Variants in DPP6 observed in about 807,000 individuals in gnomAD.
DPP6 encodes dipeptidyl peptidase like 6.
In DPP6, 69 loss-of-function variants were observed where a neutral mutation model predicts 122.6. The ratio of observed to expected loss-of-function variants is 0.56; its 90% CI spans 0.46 to 0.69. The LOEUF (loss-of-function observed/expected upper bound fraction) is 0.69. DPP6 is among the 30% of genes least tolerant of loss of function. The pLI is 0.00. For synonymous variants in DPP6, 418 were observed against 433.1 expected (o/e 0.97, Z 0.43); for missense variants, 928 against 1,116.9 (o/e 0.83, Z 2.41).
intron 6 of DPP6, among the ~76,000 whole-genome samples, chr7:154,660,760 G>A (rs879604836): frequency 1.7e-4 from 2 of 11,924 alleles, no homozygotes; most frequent in Non-Finnish European, 2.5e-4. Flanking sequence ...TGGCCGTAGT[G>A]TTCCTATAGT....
chr7:154,408,888 C>G (rs529010127), intron 1 of DPP6, among the ~76,000 whole-genome samples: 3 of 152,006 alleles, frequency 2.0e-5, no homozygotes, highest in Non-Finnish European at 4.4e-5. Flanking sequence ...TGCCTGTAAT[C>G]CCAGCACTTT....
At chr7:154,565,816 C>T (rs1011228248) in intron 4 of DPP6, among the ~76,000 whole-genome samples, 3 of 152,214 alleles carry the variant, frequency 2.0e-5, no homozygotes, top group Non-Finnish European at 4.4e-5. Flanking sequence ...TGAGCCACTG[C>T]GCCCAGCCAA....
Position 154,760,946 on chromosome 7 carries a change from T to A in DPP6, c.884-8471T>A, listed in dbSNP as rs1253478870. ...GCTTCCCTGGTTCAAGCGATTCTCC[T>A]GCCTCAGCCTCCCGGATAGCTGGGA... is the stretch of plus-strand genomic sequence containing the variant. On this transcript the variant is annotated intron_variant, in intron 8 of 25. Transcript: ENST00000377770. The surrounding 1 kb of genome is among the most constrained non-coding windows in gnomAD (Gnocchi z 4.5). Among the ~76,000 whole-genome samples, 1 of 151,794 alleles carries A rather than the reference T, an allele frequency of 6.6e-6. No homozygotes were observed. The highest frequency in any genetic ancestry group is 6.6e-5 in the Admixed American group (1 of 15,246).
intron 1 of DPP6, among the ~76,000 whole-genome samples, chr7:154,056,677 A>T (rs536639294): frequency 6.6e-6 from 1 of 152,278 alleles, no homozygotes; most frequent in South Asian, 2.1e-4. Context: ...ACCACCCATG[A>T]TGTCCACCAG....
In DPP6 at chr7:154,137,478, G is replaced by A. The variant is rs1372589430; in HGVS notation, c.243+84415G>A. The stretch of plus-strand genomic sequence containing the variant: ...TACACCATGTATGGGGTTGAAAAAT[G>A]GTATTTCTATAAAAAATTGGAATCT... On this transcript the variant is annotated intron_variant, in intron 1 of 25. Coordinates refer to ENST00000377770, the MANE Select transcript of DPP6 (RefSeq NM_130797.4). Among the ~76,000 whole-genome samples, 10 of 151,616 alleles carry A rather than the reference G, an allele frequency of 6.6e-5. No homozygotes were observed. In the South Asian group the frequency reaches 1.3e-3, roughly 19 times the overall value.
At chr7:154,579,757 C>T (rs543947129) in intron 5 of DPP6, among the ~76,000 whole-genome samples, 43 of 152,202 alleles carry the variant, frequency 2.8e-4, no homozygotes, top group Non-Finnish European at 5.4e-4. Context: ...GTACCTGTGT[C>T]CTCACAGGTA....
intron 1 of DPP6, among the ~76,000 whole-genome samples, chr7:154,186,275 T>G (rs1057047216): frequency 1.3e-5 from 2 of 152,250 alleles, no homozygotes; most frequent in African/African-American, 2.4e-5. Flanking sequence ...AAATCATACT[T>G]GGGTCTGGCT....
At chr7:153,943,686 T>C (rs909860593) in intron 1 of DPP6, among the ~76,000 whole-genome samples, 9 of 152,176 alleles carry the variant, frequency 5.9e-5, no homozygotes, top group Non-Finnish European at 8.8e-5. Flanking sequence ...GTGGTGTGAA[T>C]GAACAAGGAA....
chr7:153,837,837 A>ATTTTTTTTTTTT, the DPP6 span, among the ~76,000 whole-genome samples: 1,090 of 80,590 alleles, frequency 0.014, 96 homozygotes, highest in East Asian at 0.055. Context: ...TGCCTGGTTA[A>ATTTTTTTTTTTT]TTTTTTTTTT....
intron 1 of DPP6, among the ~76,000 whole-genome samples, chr7:154,086,474 A>G (rs2150539347): frequency 6.8e-6 from 1 of 146,708 alleles, no homozygotes; most frequent in East Asian, 2.0e-4. Context: ...ACTTGGACCA[A>G]CCCCTCAGAC....
At chr7:154,778,029 T>C (rs1218116680) in intron 10 of DPP6, among the ~76,000 whole-genome samples, 1 of 152,222 alleles carries the variant, frequency 6.6e-6, no homozygotes, top group Non-Finnish European at 1.5e-5. Context: ...TTTTCAACTT[T>C]AGTCCCTACT....
intron 1 of DPP6, among the ~76,000 whole-genome samples, chr7:153,928,806 C>T (rs1801042287): frequency 6.6e-6 from 1 of 152,018 alleles, no homozygotes; most frequent in African/African-American, 2.4e-5. Flanking sequence ...TTTCCTAGGC[C>T]TTTAACTTAT....
chr7:154,170,239 T>A (rs1295287400), intron 1 of DPP6, among the ~76,000 whole-genome samples: 1 of 152,160 alleles, frequency 6.6e-6, no homozygotes, highest in Non-Finnish European at 1.5e-5. Flanking sequence ...TGTTAGCCCA[T>A]CCTAAAAAGG....
chr7:154,282,106 G>A lies in DPP6; in HGVS notation c.244-164108G>A, dbSNP rs1472610481. Among the ~76,000 whole-genome samples the A allele has an allele frequency of 1.3e-5, 2 of 152,132 alleles. No homozygotes were observed. The highest frequency in any genetic ancestry group is 2.9e-5 in the Non-Finnish European group (2 of 68,020). On this transcript the variant is annotated intron_variant, in intron 1 of 25. Transcript: ENST00000377770. This position sits in a 1 kb window ranked among gnomAD's most constrained non-coding sequence, Gnocchi z 4.8. ...TCCTGAGAACCAAGTGTAATGATGT[G>A]TGTTGAGGGGTGGGGACAGGGCTGG... is the stretch of plus-strand genomic sequence containing the variant.
intron 1 of DPP6, among the ~76,000 whole-genome samples, chr7:153,932,288 T>G (rs1477006420): frequency 5.9e-5 from 9 of 152,008 alleles, no homozygotes; most frequent in African/African-American, 2.2e-4. Context: ...GCCTGGCTAA[T>G]TTTTGTATTT....
intron 1 of DPP6, among the ~76,000 whole-genome samples, chr7:154,365,801 A>C (rs1458060558): frequency 2.0e-5 from 3 of 152,050 alleles, no homozygotes. Context: ...TACTAAAAAT[A>C]CCAAAAATTA....
In DPP6 at chr7:154,267,006, A is replaced by G. The variant is rs1803465519; in HGVS notation, c.244-179208A>G. 2.0e-5 allele frequency among the ~76,000 whole-genome samples: 3 copies of G among 152,252 alleles called. No individual in the cohort carries two copies. The South Asian group carries it at 6.2e-4, about 32-fold the overall frequency. ...TAAAACATCCTCCTTTTCCAACTAC[A>G]TATTTTTGTGAGACTAGATTTCTTT... On this transcript the variant is annotated intron_variant, in intron 1 of 25. Transcript: ENST00000377770.
At chr7:154,271,289 G>A (rs11772888) in intron 1 of DPP6, among the ~76,000 whole-genome samples, 48,206 of 152,096 alleles carry the variant, frequency 0.32, 9,531 homozygotes, top group South Asian at 0.44. Context: ...TCTCTCTGGG[G>A]TAGCAAACTC....
rs397833643 is a variant in DPP6 at position 154,027,440 on chromosome 7, G to A, written c.51+139706G>A. On this transcript the variant is annotated intron_variant, in intron 1 of 25. Coordinates refer to the DPP6 transcript ENST00000404039. Reference sequence around the variant, plus strand: ...AACATGTGGCTTCCTGACCCACAGAGGATGGCTTCTCGCTGTGTCCTCATG... The same window carrying A: ...AACATGTGGCTTCCTGACCCACAGAAGATGGCTTCTCGCTGTGTCCTCATG... 7.6e-4 allele frequency among the ~76,000 whole-genome samples: 115 copies of A among 152,080 alleles called. 1 individual carries two copies. The highest frequency in any genetic ancestry group is 6.3e-3 in the East Asian group (32 of 5,068).
Sources: gnomAD v4.1 joint callset for allele counts (sites outside exome capture counted in the v4.1 genomes callset) on GRCh38, gnomAD v4.1.1 for gene constraint, Gnocchi (gnomAD v3.1) non-coding constraint, MANE v1.5 for transcripts, NCBI Gene and HGNC (gene_info 2026-07-23, HGNC 2026-07-21) for gene names.